PALLD: variants seen among roughly 807,000 people sequenced by gnomAD.
The protein encoded by PALLD is palladin.
PALLD carries 61 observed loss-of-function variants against 123.5 expected under a neutral mutation model. That is an observed-to-expected ratio of 0.49 (90% CI 0.40 to 0.61). The LOEUF (loss-of-function observed/expected upper bound fraction) is 0.61. Among genes scored for constraint, PALLD ranks in the 20% least tolerant of loss-of-function variants. The pLI, the probability that PALLD is intolerant of heterozygous loss-of-function variation, is 0.00. For synonymous variants in PALLD, 465 were observed against 496.4 expected (o/e 0.94, Z 0.84); for missense variants, 1,273 against 1,377.0 (o/e 0.92, Z 1.20).
At chr4:168,639,675 C>G (rs1234421638) in intron 2 of PALLD, among the ~76,000 whole-genome samples, 2 of 152,024 alleles carry the variant, frequency 1.3e-5, no homozygotes, top group African/African-American at 2.4e-5. Flanking sequence ...TCCTGAGTAG[C>G]TGGGACTACA....
intron 2 of PALLD, chr4:168,631,595 G>T: frequency 2.0e-6 from 2 of 985,430 alleles, no homozygotes; most frequent in African/African-American, 3.5e-5. Flanking sequence ...GCGCACACGC[G>T]CCCCTCGGCG....
intron 2 of PALLD, among the ~76,000 whole-genome samples, chr4:168,539,523 G>A (rs571047611): frequency 2.5e-4 from 38 of 151,902 alleles, no homozygotes; most frequent in East Asian, 1.4e-3. Context: ...GGGAGGCGGA[G>A]GTTGCAGTGA....
intron 10 of PALLD, chr4:168,864,119 A>G (rs181056196): frequency 5.3e-5 from 8 of 152,372 alleles, no homozygotes; most frequent in African/African-American, 1.9e-4. Context: ...ATACATGTAT[A>G]TATGCACACA....
chr4:168,724,040 G>C (rs779126268), intron 10 of PALLD, among the ~76,000 whole-genome samples: 24 of 151,918 alleles, frequency 1.6e-4, no homozygotes, highest in Non-Finnish European at 2.9e-4. Context: ...TTACAGGCAC[G>C]TGCCACCGTG....
intron 2 of PALLD, among the ~76,000 whole-genome samples, chr4:168,535,759 G>A (rs1218521553): frequency 6.6e-6 from 1 of 152,130 alleles, no homozygotes; most frequent in African/African-American, 2.4e-5. Context: ...AGCAAGTTTA[G>A]GCAAATAAAG....
Position 168,775,236 on chromosome 4 carries a change from T to TGTG in PALLD, c.1964+63313_1964+63314insGTG, listed in dbSNP as rs1256245090. Reference sequence around the variant, plus strand: ...TTAGTTTTTCTTAATTTTAGCCACTTTAACAGGTGTGTAGTAGAATTTCAT... The same window carrying TGTG: ...TTAGTTTTTCTTAATTTTAGCCACTTGTGTAACAGGTGTGTAGTAGAATTTCAT... On this transcript the variant is annotated intron_variant, in intron 10 of 21. Coordinates refer to ENST00000505667, the MANE Select transcript of PALLD (RefSeq NM_001166108.2). 2.6e-5 allele frequency among the ~76,000 whole-genome samples: 4 copies of TGTG among 152,326 alleles called. No homozygotes were observed. The South Asian group carries it at 8.3e-4, about 32-fold the overall frequency.
intron 10 of PALLD, among the ~76,000 whole-genome samples, chr4:168,774,069 CT>C (rs5863958): frequency 0.06 from 8,490 of 140,976 alleles, 352 homozygotes; most frequent in African/African-American, 0.13. Flanking sequence ...TTTTCTCTCT[CT>C]TTTTTTTTTT....
intron 2 of PALLD, among the ~76,000 whole-genome samples, chr4:168,602,394 G>C (rs1772756909): frequency 6.6e-6 from 1 of 152,186 alleles, no homozygotes; most frequent in Non-Finnish European, 1.5e-5. Context: ...ATATCACCCA[G>C]TGTGACAACT....
intron 10 of PALLD, among the ~76,000 whole-genome samples, chr4:168,766,156 C>T (rs1255993361): frequency 1.3e-5 from 2 of 152,254 alleles, no homozygotes; most frequent in East Asian, 3.9e-4. Context: ...AATATCAACG[C>T]AATAATACCA....
chr4:168,807,289 A>G (rs1002253829), intron 10 of PALLD, among the ~76,000 whole-genome samples: 1 of 152,102 alleles, frequency 6.6e-6, no homozygotes, highest in Non-Finnish European at 1.5e-5. Flanking sequence ...ACACACACAC[A>G]CACACACACA....
intron 10 of PALLD, among the ~76,000 whole-genome samples, chr4:168,785,645 T>C (rs572019872): frequency 1.4e-4 from 21 of 151,562 alleles, no homozygotes; most frequent in Non-Finnish European, 2.1e-4. Flanking sequence ...AAACCCCACC[T>C]TGGGTTTGGG....
intron 10 of PALLD, among the ~76,000 whole-genome samples, chr4:168,887,831 G>GAGGA (rs397798578): frequency 6.6e-6 from 1 of 151,984 alleles, no homozygotes. Flanking sequence ...GGAAGGGAGG[G>GAGGA]GAGAGAGAAA....
At chr4:168,767,796 C>T (rs182970987) in intron 10 of PALLD, among the ~76,000 whole-genome samples, 1 of 152,254 alleles carries the variant, frequency 6.6e-6, no homozygotes, top group Admixed American at 6.5e-5. Flanking sequence ...ATCCACCTGC[C>T]TCGGCCGCCC....
chr4:168,660,613 T>C (rs1385229459), intron 2 of PALLD, among the ~76,000 whole-genome samples: 21 of 152,070 alleles, frequency 1.4e-4, no homozygotes, highest in Admixed American at 1.3e-3. Context: ...CACACACATA[T>C]GTATGTGTAC....
At chr4:168,900,334 G>A (rs1295707756) in intron 14 of PALLD, among the ~76,000 whole-genome samples, 1 of 151,946 alleles carries the variant, frequency 6.6e-6, no homozygotes, top group Non-Finnish European at 1.5e-5. Flanking sequence ...AGAAGGCCAA[G>A]TATTGCACAA....
chr4:168,578,413 T>C (rs1769867856), intron 2 of PALLD, among the ~76,000 whole-genome samples: 1 of 151,996 alleles, frequency 6.6e-6, no homozygotes, highest in Non-Finnish European at 1.5e-5. Flanking sequence ...TCTTACAAGA[T>C]CTGATGGTTT....
At position 168,685,520 on chromosome 4, in the gene PALLD, T is replaced by C; in HGVS notation, c.1296T>C (p.Asp432=). 1 of 1,612,904 alleles carries C rather than the reference T, an allele frequency of 6.2e-7. No homozygotes were observed. Among genetic ancestry groups the C allele is most frequent in the Non-Finnish European group, 8.5e-7 (1 of 1,178,850 alleles). Residue 432 remains aspartate, a synonymous_variant, in exon 6 of 22, where the codon GAT becomes GAC. Transcript: ENST00000505667. ...CAACTTCATATCTCTGCCGACCTGATGGAACCACTACTGCCTACTTTCCTC... is the reference window on the plus strand; with the variant it reads ...CAACTTCATATCTCTGCCGACCTGACGGAACCACTACTGCCTACTTTCCTC... ...HSPTSYLCRP[D]GTTTAYFPPV...
At chr4:168,586,110 A>G (rs539116327) in intron 2 of PALLD, among the ~76,000 whole-genome samples, 1 of 147,016 alleles carries the variant, frequency 6.8e-6, no homozygotes, top group South Asian at 2.2e-4. Context: ...ACTTTAAGAT[A>G]TCTTTAGTAT....
chr4:168,925,312 T>C, intron 21 of PALLD, 34 bp downstream of exon 21: 1 of 1,501,060 alleles, frequency 6.7e-7, no homozygotes, highest in Non-Finnish European at 9.3e-7. Flanking sequence ...ATTAGCAAAA[T>C]ATGCATGTTG....
Sources: gnomAD v4.1 joint callset for allele counts (sites outside exome capture counted in the v4.1 genomes callset) on GRCh38, gnomAD v4.1.1 for gene constraint, MANE v1.5 for transcripts, NCBI Gene and HGNC (gene_info 2026-07-23, HGNC 2026-07-21) for gene names.